OSBPL7: variants seen among roughly 807,000 people sequenced by gnomAD.
The protein encoded by OSBPL7 is oxysterol-binding protein-related protein 7.
In OSBPL7, 66 loss-of-function variants were observed where a neutral mutation model predicts 115.8. The observed-to-expected ratio is 0.57, with a 90% CI of 0.47 to 0.70. The LOEUF is 0.70. OSBPL7 is among the 30% of genes least tolerant of loss of function. OSBPL7 has a pLI of 0.00. For missense variants in OSBPL7, 902 were observed against 1,125.5 expected (o/e 0.80, Z 2.84); for synonymous variants, 441 against 439.2 (o/e 1.00, Z -0.05).
In OSBPL7 at chr17:47,816,886, G is replaced by A; in HGVS notation, c.703-14C>T. The A allele has an allele frequency of 6.2e-7, 1 of 1,613,422 alleles. No individual in the cohort carries two copies. Among genetic ancestry groups the A allele is most frequent in the South Asian group, 1.1e-5 (1 of 91,068 alleles). On this transcript the variant is annotated splice_polypyrimidine_tract_variant and intron_variant, in intron 8 of 22. Transcript: ENST00000007414. This position sits in a 1 kb window ranked among gnomAD's most constrained non-coding sequence, Gnocchi z 5.8. ...TGTCACTGAGGCCTGGCAAGTCAAG[G>A]TGGGGGCAATTTTACTCACAGGGTG...
In OSBPL7 at chr17:47,807,953, G is replaced by A; in HGVS notation, c.*338C>T. The A allele has an allele frequency of 3.0e-6, 1 of 335,356 alleles. No homozygotes were observed. Among genetic ancestry groups the A allele is most frequent in the Admixed American group, 4.0e-5 (1 of 25,172 alleles). The allele number at this position is 335,356 out of a possible 1,614,324, so 20.8% of individuals were successfully genotyped here. On this transcript the variant is annotated 3_prime_UTR_variant, in exon 23 of 23. Coordinates refer to ENST00000007414, the MANE Select transcript of OSBPL7 (RefSeq NM_145798.3). The stretch of plus-strand genomic sequence containing the variant: ...CAAGGAGTCCCCTGTGTCCTAGGAA[G>A]GCACTGAAATAGGGAACAGATCCTG...
At chr17:47,814,499 T>G in intron 14 of OSBPL7, 22 bp downstream of exon 14, 5 of 353,478 alleles carry the variant, frequency 1.4e-5, no homozygotes, top group African/African-American at 4.0e-5. Context: ...CACCCCTCCC[T>G]GCCTGCCCAC....
At chr17:47,813,963 C>A in intron 14 of OSBPL7, 129 bp from the exon 15 acceptor site, 1 of 1,256,188 alleles carries the variant, frequency 8.0e-7, no homozygotes, top group Non-Finnish European at 1.1e-6. Context: ...GCCCTTGTCT[C>A]GACTCACAGC....
intron 13 of OSBPL7, 65 bp downstream of exon 13, chr17:47,815,150 C>A: frequency 1.9e-6 from 3 of 1,561,222 alleles, no homozygotes; most frequent in South Asian, 2.3e-5. Context: ...TCTCTGTGGA[C>A]CCCACCCTTC....
At chr17:47,814,456 C>A in intron 14 of OSBPL7, 65 bp downstream of exon 14, 1 of 1,478,442 alleles carries the variant, frequency 6.8e-7, no homozygotes, top group Middle Eastern at 2.3e-4. Context: ...TGGGCCTGGG[C>A]CATGGACAAA....
In OSBPL7 at chr17:47,816,464, C is replaced by A; in HGVS notation, c.947G>T (p.Ser316Ile). 1.3e-6 allele frequency: 2 copies of A among 1,545,652 alleles called. No individual in the cohort carries two copies. The highest frequency in any genetic ancestry group is 1.7e-6 in the Non-Finnish European group (2 of 1,144,150). The change falls in exon 11 of 23, where the codon AGC (serine) becomes ATC (isoleucine). Residue 316 changes from serine (S) to isoleucine (I), a missense_variant. Physicochemically the swap from Ser to Ile is moderately radical, Grantham distance 142. Coordinates refer to ENST00000007414, the MANE Select transcript of OSBPL7 (RefSeq NM_145798.3). The surrounding 1 kb of genome is among the most constrained non-coding windows in gnomAD (Gnocchi z 5.8). ...LAQKVHSSLS[S>I]VLAALTMERD... Reference sequence around the variant, plus strand: ...TTCCATGGTGAGGGCGGCCAGGACGCTGCTGAGGGAGCTGTGCACTACAGG... The same window carrying A: ...TTCCATGGTGAGGGCGGCCAGGACGATGCTGAGGGAGCTGTGCACTACAGG...
At position 47,807,878 on chromosome 17, in the gene OSBPL7, A is replaced by C; in HGVS notation, c.*413T>G. 1 of 205,440 alleles carries C rather than the reference A, an allele frequency of 4.9e-6. No homozygotes were observed. The highest frequency in any genetic ancestry group is 9.5e-5 in the South Asian group (1 of 10,500). 12.7% of individuals were successfully genotyped at this position (205,440 alleles called of 1,614,324 possible). ...TCACCTCCTCTCCTTCACTCACTGC[A>C]ACCTCACCGCTGGGGACAGAGGCCT... On this transcript the variant is annotated 3_prime_UTR_variant, in exon 23 of 23. Transcript: ENST00000007414.
In OSBPL7 at chr17:47,810,451, A is replaced by G; in HGVS notation, c.1880+143T>C. ...CAACTGCTGTAAATATAGGTGTAAAACCTACAGACACTGACGCCACTGCAA... is the reference window on the plus strand; with the variant it reads ...CAACTGCTGTAAATATAGGTGTAAAGCCTACAGACACTGACGCCACTGCAA... On this transcript the variant is annotated intron_variant, in intron 18 of 22. Transcript: ENST00000007414. 7.4e-6 allele frequency: 5 copies of G among 675,714 alleles called. No individual in the cohort carries two copies. In the South Asian group the frequency reaches 8.8e-5, roughly 12 times the overall value. The allele number at this position is 675,714 out of a possible 1,614,324, so 41.9% of individuals were successfully genotyped here.
chr17:47,809,803 T>C lies in OSBPL7; in HGVS notation c.1881-325A>G, dbSNP rs535285277. Among the ~76,000 whole-genome samples the C allele has an allele frequency of 5.8e-4, 89 of 152,288 alleles. 1 individual carries two copies. The highest frequency in any genetic ancestry group is 1.8e-3 in the African/African-American group (73 of 41,570). On this transcript the variant is annotated intron_variant, in intron 18 of 22. Coordinates refer to ENST00000007414, the MANE Select transcript of OSBPL7 (RefSeq NM_145798.3). ...TATCCTGCTTAATCCTCACCTCTCT[T>C]GGGTATTACTTCTTACTGTCATGTC...
intron 1 of OSBPL7, among the ~76,000 whole-genome samples, chr17:47,821,052 G>C (rs2033380860): frequency 6.6e-6 from 1 of 152,106 alleles, no homozygotes; most frequent in South Asian, 2.1e-4. Context: ...CACCCACCCA[G>C]AGAGGGCAGG....
chr17:47,815,628 G>T, intron 12 of OSBPL7: 1 of 470,940 alleles, frequency 2.1e-6, no homozygotes, highest in East Asian at 3.8e-5. Flanking sequence ...CCCTCTGTGT[G>T]CACTAACCCA....
chr17:47,819,933 C>T (rs1356594822), intron 3 of OSBPL7, 38 bp downstream of exon 3: 1 of 1,586,068 alleles, frequency 6.3e-7, no homozygotes, highest in South Asian at 1.1e-5. Context: ...CCACCCCGCC[C>T]CCCATGTCTG....
intron 3 of OSBPL7, 52 bp downstream of exon 3, chr17:47,819,917 CCA>C: frequency 6.6e-7 from 1 of 1,517,844 alleles, no homozygotes; most frequent in Non-Finnish European, 9.1e-7. Context: ...CAGCTGCCCC[CCA>C]TTCCCACCCC....
At chr17:47,819,120 G>C in intron 4 of OSBPL7, 21 bp from the exon 5 acceptor site, 1 of 1,600,558 alleles carries the variant, frequency 6.2e-7, no homozygotes, top group Non-Finnish European at 8.6e-7. Flanking sequence ...AGTGTTGGTA[G>C]AGGGAGAGGG....
Position 47,819,736 on chromosome 17 carries a change from C to A in OSBPL7, c.248G>T (p.Arg83Leu). 1 of 1,614,070 alleles carries A rather than the reference C, an allele frequency of 6.2e-7. No individual in the cohort carries two copies. The highest frequency in any genetic ancestry group is 8.5e-7 in the Non-Finnish European group (1 of 1,180,004). Residue 83 changes from arginine (R) to leucine (L), a missense_variant, in exon 4 of 23, where the codon CGG (arginine) becomes CTG (leucine). Arg to Leu is a moderately radical substitution (Grantham distance 102, BLOSUM62 -2). Transcript: ENST00000007414. ...GCCACTGCCCGGGCTCACGTCTTGC[C>A]GGGTTGTTGCATAATGAAGGATCCC... ...EDGILHYATT[R>L]QDITKGKLHG...
Position 47,813,822 on chromosome 17 carries a change from G to A in OSBPL7, c.1364C>T (p.Pro455Leu). Residue 455 changes from proline to leucine, a missense_variant, in exon 15 of 23, where the codon CCA becomes CTA. Around this residue, in one of 3 missense-constraint regions of OSBPL7, gnomAD observed 667 missense variants for 788.7 expected, o/e 0.85. Coordinates refer to ENST00000007414, the MANE Select transcript of OSBPL7 (RefSeq NM_145798.3). ...AERCQKGGCV[P>L]GRPMGPPRRR... Reference sequence around the variant, plus strand: ...GCGGGGTGGCCCCATGGGTCTCCCTGGAACACACCCCCCTGGGGCCGCCCT... The same window carrying A: ...GCGGGGTGGCCCCATGGGTCTCCCTAGAACACACCCCCCTGGGGCCGCCCT... The A allele has an allele frequency of 6.2e-7, 1 of 1,609,994 alleles. No individual in the cohort carries two copies. Among genetic ancestry groups the A allele is most frequent in the Non-Finnish European group, 8.5e-7 (1 of 1,179,042 alleles).
In OSBPL7 at chr17:47,818,545, G is replaced by A. The variant is rs201892686; in HGVS notation, c.441C>T (p.Asp147=). The change falls in exon 6 of 23, where the codon GAC becomes GAT. Residue 147 remains aspartate (D), a synonymous_variant. Coordinates refer to ENST00000007414, the MANE Select transcript of OSBPL7 (RefSeq NM_145798.3). ...TACTGGGCAGTGAGCCACGGGGCAT[G>A]TCCAGGCGGTGGGCTAGGCGGTGGG... ...LRAHRLAHRL[D]MPRGSLPSTA... is the part of the protein sequence containing the mutation. 10 of 1,611,116 alleles carry A rather than the reference G, an allele frequency of 6.2e-6. No homozygotes were observed. In the African/African-American group the frequency reaches 1.2e-4, roughly 19 times the overall value.
At position 47,818,573 on chromosome 17, in the gene OSBPL7, C is replaced by T. The variant is rs1269749366; in HGVS notation, c.413G>A (p.Arg138His). ...DLFQSWVAQL[R>H]AHRLAHRLDM... The stretch of plus-strand genomic sequence containing the variant: ...CAGGCGGTGGGCTAGGCGGTGGGCA[C>T]GCAGCTGCGCCACCCAGCTCTGGAA... Residue 138 changes from arginine (R) to histidine (H), a missense_variant, in exon 6 of 23, where the codon CGT (arginine) becomes CAT (histidine). This residue lies in a region of OSBPL7 where 667 missense variants were observed against 788.7 expected (regional missense o/e 0.85). Transcript: ENST00000007414. 26 of 1,612,534 alleles carry T rather than the reference C, an allele frequency of 1.6e-5. No homozygotes were observed. Among genetic ancestry groups the T allele is most frequent in the African/African-American group, 5.3e-5 (4 of 74,912 alleles).
Position 47,808,072 on chromosome 17 carries a change from G to C in OSBPL7, c.*219C>G. The C allele has an allele frequency of 1.7e-6, 1 of 581,658 alleles. No homozygotes were observed. The highest frequency in any genetic ancestry group is 3.1e-6 in the Non-Finnish European group (1 of 324,900). The allele number at this position is 581,658 out of a possible 1,614,324, so 36.0% of individuals were successfully genotyped here. A position where few individuals can be genotyped will look rare whatever the true frequency, so the allele number is the denominator to read the frequency against. ...ACATGCTGGTTGTCTGGGGCAAGGA[G>C]ACTGGGGAAGCACAGATTCTGCTTC... On this transcript the variant is annotated 3_prime_UTR_variant, in exon 23 of 23. Transcript: ENST00000007414. The surrounding 1 kb of genome is among the most constrained non-coding windows in gnomAD (Gnocchi z 6.1).
Sources: allele counts gnomAD v4.1 joint callset (sites outside exome capture counted in the v4.1 genomes callset), GRCh38; gene constraint gnomAD v4.1.1; regional missense constraint gnomAD v4.1.1; non-coding constraint Gnocchi (gnomAD v3.1); transcripts MANE v1.5; gene names NCBI Gene and HGNC (gene_info 2026-07-23, HGNC 2026-07-21).